SUCLG2: variants seen among roughly 807,000 people sequenced by gnomAD.
SUCLG2 encodes succinate--CoA ligase [GDP-forming] subunit beta, mitochondrial.
Under a neutral mutation model 47.9 loss-of-function variants are expected in SUCLG2, and 42 were observed. That is an observed-to-expected ratio of 0.88 (90% CI 0.69 to 1.14). The LOEUF is 1.14. Ranked by LOEUF, SUCLG2 falls within the 50% of genes most tolerant of loss-of-function variation. SUCLG2 has a pLI of 0.00. For missense variants in SUCLG2, 571 were observed against 525.9 expected, an observed-to-expected ratio of 1.09 and a Z score of -0.84; for synonymous variants, 195 against 197.3, an observed-to-expected ratio of 0.99 and a Z score of 0.10.
intron 9 of SUCLG2, chr3:67,408,540 G>T: frequency 2.4e-6 from 2 of 829,790 alleles, no homozygotes; most frequent in Non-Finnish European, 2.9e-6. Flanking sequence ...TCTGGGGACA[G>T]TAACTTGATG....
intron 9 of SUCLG2, among the ~76,000 whole-genome samples, chr3:67,432,435 A>G (rs901802861): frequency 2.6e-5 from 4 of 152,190 alleles, no homozygotes; most frequent in Non-Finnish European, 5.9e-5. Context: ...CACTGGTGAA[A>G]CCTTGGGCAA....
intron 2 of SUCLG2, among the ~76,000 whole-genome samples, chr3:67,536,468 G>A (rs1706545206): frequency 6.6e-6 from 1 of 152,170 alleles, no homozygotes; most frequent in African/African-American, 2.4e-5. Flanking sequence ...TTGCCCTGCT[G>A]TCTGTTCACT....
intron 2 of SUCLG2, among the ~76,000 whole-genome samples, chr3:67,544,788 A>G (rs1032141608): frequency 6.6e-6 from 1 of 152,210 alleles, no homozygotes. Context: ...AGAAATCACT[A>G]TAGCACCACT....
chr3:67,563,003 A>G (rs994580095), intron 2 of SUCLG2, among the ~76,000 whole-genome samples: 2 of 151,448 alleles, frequency 1.3e-5, no homozygotes, highest in Non-Finnish European at 2.9e-5. Flanking sequence ...TTAATAAAGT[A>G]ATTATATGTT....
intron 1 of SUCLG2, among the ~76,000 whole-genome samples, chr3:67,644,581 G>A (rs1701159558): frequency 6.6e-6 from 1 of 151,906 alleles, no homozygotes; most frequent in Non-Finnish European, 1.5e-5. Context: ...ATAACAATAT[G>A]AATATATAAC....
chr3:67,444,087 C>T (rs1468162509), intron 9 of SUCLG2, among the ~76,000 whole-genome samples: 15 of 108,236 alleles, frequency 1.4e-4, no homozygotes, highest in Non-Finnish European at 2.8e-4. Context: ...GCCTGGCCAG[C>T]CGCGCCGTCC....
At chr3:67,473,595 T>A (rs1027426882) in intron 9 of SUCLG2, among the ~76,000 whole-genome samples, 1 of 152,180 alleles carries the variant, frequency 6.6e-6, no homozygotes. Flanking sequence ...CAACACACAT[T>A]AAGAGTGGAT....
chr3:67,528,169 G>A lies in SUCLG2; in HGVS notation c.380C>T (p.Thr127Ile). The A allele has an allele frequency of 6.2e-7, 1 of 1,613,856 alleles. No homozygotes were observed. ...CACACCTTCTTTTGGAGTTTGTTTT[G>A]TCGCTAGATTGTACCCAATCATCTG... ...AKQMIGYNLA[T>I]KQTPKEGVKV... is the part of the protein sequence containing the mutation. The change falls in exon 4 of 11, where the codon ACA becomes ATA. Residue 127 changes from threonine to isoleucine, a missense_variant. Physicochemically the swap from Thr to Ile is moderately conservative, Grantham distance 89. Transcript: ENST00000307227.
Position 67,528,961 on chromosome 3 carries a change from T to G in SUCLG2, c.326+126A>C, listed in dbSNP as rs141139210. On this transcript the variant is annotated intron_variant, in intron 3 of 10. Transcript: ENST00000307227. Reference sequence around the variant, plus strand: ...CAGAGCCCTCTACCTATGATTTCAGTTTCTTCTAGTTGCTTTGGCCCGCTC... The same window carrying G: ...CAGAGCCCTCTACCTATGATTTCAGGTTCTTCTAGTTGCTTTGGCCCGCTC... 1,269 of 665,626 alleles carry G rather than the reference T, an allele frequency of 1.9e-3. 11 individuals are homozygous for G. In the African/African-American group the frequency reaches 0.02, roughly 11 times the overall value. The allele number at this position is 665,626 out of a possible 1,614,324, so 41.2% of individuals were successfully genotyped here.
chr3:67,373,624 C>G (rs1398109442), downstream of SUCLG2, among the ~76,000 whole-genome samples: 1 of 152,136 alleles, frequency 6.6e-6, no homozygotes, highest in Non-Finnish European at 1.5e-5. Flanking sequence ...GAATAGGTTA[C>G]TGACCTGAAA....
chr3:67,416,335 C>T (rs1287426762), intron 9 of SUCLG2, among the ~76,000 whole-genome samples: 1 of 152,156 alleles, frequency 6.6e-6, no homozygotes, highest in African/African-American at 2.4e-5. Flanking sequence ...CATTTAATGA[C>T]CACATATGAA....
intron 10 of SUCLG2, among the ~76,000 whole-genome samples, chr3:67,369,673 C>G (rs1428629907): frequency 6.6e-6 from 1 of 152,214 alleles, no homozygotes; most frequent in Non-Finnish European, 1.5e-5. Context: ...TGCTAAGCAT[C>G]TACCTAGTTG....
intron 10 of SUCLG2, among the ~76,000 whole-genome samples, chr3:67,364,762 C>T (rs533342899): frequency 2.0e-5 from 3 of 152,126 alleles, no homozygotes; most frequent in South Asian, 2.1e-4. Context: ...AAGTTTCAAT[C>T]GAGTAACATG....
chr3:67,428,588 C>T (rs1441554830), intron 9 of SUCLG2, among the ~76,000 whole-genome samples: 1 of 152,186 alleles, frequency 6.6e-6, no homozygotes, highest in Non-Finnish European at 1.5e-5. Context: ...CAAAGCTGAA[C>T]AGAGAATGAC....
intron 7 of SUCLG2, among the ~76,000 whole-genome samples, chr3:67,507,758 C>G (rs1356839951): frequency 1.3e-5 from 2 of 152,174 alleles, no homozygotes; most frequent in African/African-American, 4.8e-5. Context: ...AATGATTCAC[C>G]CCAGTTAACA....
At chr3:67,567,202 G>A (rs1707474761) in intron 2 of SUCLG2, among the ~76,000 whole-genome samples, 1 of 151,888 alleles carries the variant, frequency 6.6e-6, no homozygotes, top group Non-Finnish European at 1.5e-5. Flanking sequence ...AAAAAAGGTG[G>A]GAGGAGGAAA....
intron 9 of SUCLG2, among the ~76,000 whole-genome samples, chr3:67,482,182 A>AGAAG (rs146705714): frequency 0.033 from 5,003 of 151,744 alleles, 157 homozygotes; most frequent in East Asian, 0.12. Context: ...TATCTCAATA[A>AGAAG]GAAGGAAGGA....
At chr3:67,381,183 AAAAT>A (rs201631218) in intron 10 of SUCLG2, among the ~76,000 whole-genome samples, 12,302 of 135,640 alleles carry the variant, frequency 0.091, 619 homozygotes, top group Admixed American at 0.16. Context: ...TTCTATTTTC[AAAAT>A]AAATAAATAA....
At chr3:67,544,506 G>C (rs58780346) in intron 2 of SUCLG2, among the ~76,000 whole-genome samples, 1 of 152,142 alleles carries the variant, frequency 6.6e-6, no homozygotes, top group Non-Finnish European at 1.5e-5. Flanking sequence ...CACCATGATT[G>C]TAAGTTTCCT....
Sources: allele counts gnomAD v4.1 joint callset (sites outside exome capture counted in the v4.1 genomes callset), GRCh38; gene constraint gnomAD v4.1.1; transcripts MANE v1.5; gene names NCBI Gene and HGNC (gene_info 2026-07-23, HGNC 2026-07-21).